GXYLT1: variants seen among roughly 807,000 people sequenced by gnomAD.
The protein encoded by GXYLT1 is glucoside xylosyltransferase 1.
Under a neutral mutation model 54.0 loss-of-function variants are expected in GXYLT1, and 29 were observed. That is an observed-to-expected ratio of 0.54 (90% CI 0.40 to 0.73). GXYLT1 has a LOEUF of 0.73. GXYLT1 is among the 30% of genes least tolerant of loss of function. GXYLT1 has a pLI of 0.00. For missense variants in GXYLT1, 490 were observed against 553.4 expected (o/e 0.89, Z 1.15); for synonymous variants, 176 against 204.1 (o/e 0.86, Z 1.17).
At position 42,105,741 on chromosome 12, in the gene GXYLT1, A is replaced by ACT. The variant is rs2065415430; in HGVS notation, c.864+76_864+77insAG. ...TATTTATAGTTCAATTTAGTTTTTA[A>ACT]TAAAATTTAGTTTTATTAAAAACAA... On this transcript the variant is annotated intron_variant, in intron 5 of 7. Coordinates refer to ENST00000398675, the MANE Select transcript of GXYLT1 (RefSeq NM_173601.2). 9.9e-6 allele frequency: 11 copies of ACT among 1,108,176 alleles called. No homozygotes were observed. The South Asian group carries it at 1.5e-4, about 15-fold the overall frequency. 68.6% of individuals were successfully genotyped at this position (1,108,176 alleles called of 1,614,324 possible).
chr12:42,099,083 T>C (rs148885114), intron 5 of GXYLT1, among the ~76,000 whole-genome samples: 1 of 152,206 alleles, frequency 6.6e-6, no homozygotes, highest in African/African-American at 2.4e-5. Flanking sequence ...ATATTAAGAC[T>C]GCACTCCAAG....
intron 4 of GXYLT1, among the ~76,000 whole-genome samples, chr12:42,108,341 A>T (rs756296814): frequency 2.4e-4 from 37 of 152,124 alleles, no homozygotes; most frequent in Non-Finnish European, 3.2e-4. Flanking sequence ...TTTCAATACT[A>T]TTTGTGTGAT....
At chr12:42,127,575 C>T (rs1380684925) in intron 2 of GXYLT1, among the ~76,000 whole-genome samples, 1 of 152,070 alleles carries the variant, frequency 6.6e-6, no homozygotes, top group Non-Finnish European at 1.5e-5. Context: ...GCAGAGAGTC[C>T]AGGATTCCGA....
At chr12:42,115,943 T>C (rs948623820) in intron 3 of GXYLT1, among the ~76,000 whole-genome samples, 2 of 135,302 alleles carry the variant, frequency 1.5e-5, no homozygotes, top group African/African-American at 2.6e-5. Flanking sequence ...TATAGACCAA[T>C]GGAACTGAAC....
intron 7 of GXYLT1, among the ~76,000 whole-genome samples, chr12:42,093,203 T>C (rs2136875238): frequency 6.6e-6 from 1 of 152,308 alleles, no homozygotes; most frequent in African/African-American, 2.4e-5. Flanking sequence ...GTTCAAGCGA[T>C]TCTCTTGCCT....
intron 5 of GXYLT1, among the ~76,000 whole-genome samples, chr12:42,103,422 C>T (rs1195888190): frequency 1.3e-5 from 2 of 152,142 alleles, no homozygotes; most frequent in East Asian, 1.9e-4. Context: ...AAGCAACAAT[C>T]GTGGATCTGT....
intron 7 of GXYLT1, among the ~76,000 whole-genome samples, chr12:42,091,434 G>A (rs1378835682): frequency 1.3e-5 from 2 of 151,900 alleles, no homozygotes; most frequent in African/African-American, 4.8e-5. Context: ...AATACTCAAA[G>A]GAAACAAAGG....
At chr12:42,100,182 A>T (rs1450175717) in intron 5 of GXYLT1, among the ~76,000 whole-genome samples, 1 of 152,178 alleles carries the variant, frequency 6.6e-6, no homozygotes, top group African/African-American at 2.4e-5. Flanking sequence ...GGCCTTTTAG[A>T]TCTATGTGAC....
intron 2 of GXYLT1, among the ~76,000 whole-genome samples, chr12:42,129,503 A>T (rs1389991986): frequency 2.0e-5 from 3 of 152,292 alleles, no homozygotes; most frequent in Non-Finnish European, 2.9e-5. Flanking sequence ...ACTGTTACCA[A>T]AAGTTAGATC....
intron 5 of GXYLT1, among the ~76,000 whole-genome samples, chr12:42,104,118 T>G (rs565307674): frequency 6.6e-6 from 1 of 152,168 alleles, no homozygotes; most frequent in South Asian, 2.1e-4. Context: ...AACAAAATAA[T>G]TTTAAAAACA....
In GXYLT1 at chr12:42,084,974, T is replaced by C. The variant is rs995491194; in HGVS notation, c.*2812A>G. 17 of 149,664 alleles carry C rather than the reference T, an allele frequency of 1.1e-4. No homozygotes were observed. Among genetic ancestry groups the C allele is most frequent in the African/African-American group, 3.4e-4 (14 of 40,614 alleles). The allele number at this position is 149,664 out of a possible 1,614,324, so 9.3% of individuals were successfully genotyped here. On this transcript the variant is annotated 3_prime_UTR_variant, in exon 8 of 8. Transcript: ENST00000398675. ...CTCAAATAATAAATCATGTAGTTTA[T>C]ATAAACTGCATAGATACACTATGTT... is the stretch of plus-strand genomic sequence containing the variant.
intron 2 of GXYLT1, among the ~76,000 whole-genome samples, chr12:42,128,895 T>C (rs1425752896): frequency 2.6e-5 from 4 of 152,014 alleles, no homozygotes; most frequent in Non-Finnish European, 5.9e-5. Context: ...AGGCTGGTCT[T>C]GAACTCCCGG....
At chr12:42,140,189 A>G in intron 1 of GXYLT1, among the ~76,000 whole-genome samples, 1 of 95,794 alleles carries the variant, frequency 1.0e-5, no homozygotes, top group Non-Finnish European at 2.1e-5. Context: ...TCAAAAAAAA[A>G]AAAAAAAAGG....
intron 1 of GXYLT1, among the ~76,000 whole-genome samples, chr12:42,135,885 T>C (rs1159621118): frequency 2.0e-5 from 3 of 152,172 alleles, no homozygotes; most frequent in African/African-American, 2.4e-5. Context: ...GCAGTCAAAA[T>C]TGGATAGGAA....
chr12:42,126,099 A>C (rs1312661922), intron 2 of GXYLT1, among the ~76,000 whole-genome samples: 3 of 147,782 alleles, frequency 2.0e-5, no homozygotes, highest in Non-Finnish European at 3.0e-5. Flanking sequence ...TTTGAGACAG[A>C]GTCTCACTCT....
intron 2 of GXYLT1, among the ~76,000 whole-genome samples, chr12:42,129,083 G>A (rs1683202): frequency 0.77 from 117,779 of 152,098 alleles, 46,003 homozygotes; most frequent in African/African-American, 0.87. Context: ...CTCTGCCACT[G>A]TATCAGGGAG....
At chr12:42,117,642 A>G (rs2136904028) in intron 3 of GXYLT1, among the ~76,000 whole-genome samples, 1 of 152,354 alleles carries the variant, frequency 6.6e-6, no homozygotes, top group Middle Eastern at 3.4e-3. Context: ...GGGAGGAAAG[A>G]GAAAATATGA....
rs1028514563 is a variant in GXYLT1, at chr12:42,129,465, A to C, written c.314+294T>G. Among the ~76,000 whole-genome samples the C allele has an allele frequency of 9.9e-5, 15 of 152,256 alleles. No individual in the cohort carries two copies. The South Asian group carries it at 2.9e-3, about 29-fold the overall frequency. ...TATCTGTAAACGTCAGTAGAAGCCTATTTTTATCCTAGTTTATCACTTTAT... is the reference window on the plus strand; with the variant it reads ...TATCTGTAAACGTCAGTAGAAGCCTCTTTTTATCCTAGTTTATCACTTTAT... On this transcript the variant is annotated intron_variant, in intron 2 of 7. Coordinates refer to ENST00000398675, the MANE Select transcript of GXYLT1 (RefSeq NM_173601.2).
intron 5 of GXYLT1, among the ~76,000 whole-genome samples, chr12:42,104,775 G>A (rs182714731): frequency 2.0e-5 from 3 of 152,214 alleles, no homozygotes; most frequent in East Asian, 1.9e-4. Context: ...TGTGAAAAAC[G>A]CATGACAAAA....
Sources: gnomAD v4.1 joint callset for allele counts (sites outside exome capture counted in the v4.1 genomes callset) on GRCh38, gnomAD v4.1.1 for gene constraint, MANE v1.5 for transcripts, NCBI Gene and HGNC (gene_info 2026-07-23, HGNC 2026-07-21) for gene names.